DLGAP2: variants seen among roughly 807,000 people sequenced by gnomAD.
DLGAP2 encodes DLG associated protein 2.
DLGAP2 carries 26 observed loss-of-function variants against 100.3 expected under a neutral mutation model. The ratio of observed to expected loss-of-function variants is 0.26; its 90% CI spans 0.19 to 0.36. The LOEUF (loss-of-function observed/expected upper bound fraction) is 0.36. Among genes scored for constraint, DLGAP2 ranks in the 10% least tolerant of loss-of-function variants. DLGAP2 has a pLI of 1.00. For synonymous variants in DLGAP2, 886 were observed against 630.1 expected, an observed-to-expected ratio of 1.41 and a Z score of -6.08; for missense variants, 1,858 against 1,453.2, an observed-to-expected ratio of 1.28 and a Z score of -4.53.
chr8:1,235,217 C>T (rs564648721), intron 2 of DLGAP2, among the ~76,000 whole-genome samples: 2 of 115,312 alleles, frequency 1.7e-5, no homozygotes, highest in Non-Finnish European at 4.0e-5. Flanking sequence ...GTCTAGTTCT[C>T]TCACACATGG....
At chr8:1,535,110 G>A (rs989482939) in intron 4 of DLGAP2, among the ~76,000 whole-genome samples, 6 of 152,320 alleles carry the variant, frequency 3.9e-5, no homozygotes, top group East Asian at 1.9e-4. Flanking sequence ...GGGAGGAATC[G>A]AGGGAGGCAG....
chr8:1,462,175 G>C (rs368497003), intron 3 of DLGAP2, among the ~76,000 whole-genome samples: 503 of 41,812 alleles, frequency 0.012, 24 homozygotes, highest in African/African-American at 0.061. Flanking sequence ...GCTGCTGTCA[G>C]GTGGGCTGGG....
intron 2 of DLGAP2, among the ~76,000 whole-genome samples, chr8:915,727 A>G (rs938995218): frequency 2.0e-5 from 3 of 151,586 alleles, no homozygotes; most frequent in Admixed American, 2.0e-4. Flanking sequence ...CCATCTATTC[A>G]TCTCTCTGTC....
chr8:1,408,371 A>T (rs1452732943), intron 3 of DLGAP2, among the ~76,000 whole-genome samples: 1 of 152,144 alleles, frequency 6.6e-6, no homozygotes. Flanking sequence ...TCAGGGGAGA[A>T]ATCAGTTCCA....
At chr8:1,625,810 C>G (rs931171156) in intron 6 of DLGAP2, among the ~76,000 whole-genome samples, 2 of 152,256 alleles carry the variant, frequency 1.3e-5, no homozygotes, top group African/African-American at 4.8e-5. Context: ...TTGTAAATAG[C>G]CTCCCCTATT....
intron 3 of DLGAP2, among the ~76,000 whole-genome samples, chr8:1,266,767 G>C (rs34130287): frequency 0.16 from 23,673 of 152,006 alleles, 2,175 homozygotes; most frequent in Middle Eastern, 0.31. Context: ...ATGTGTTTGT[G>C]TGTGTGTTTT....
At chr8:1,601,253 C>T (rs540103546) in intron 6 of DLGAP2, among the ~76,000 whole-genome samples, 1 of 152,328 alleles carries the variant, frequency 6.6e-6, no homozygotes, top group Admixed American at 6.5e-5. Flanking sequence ...AAGCTTCGTC[C>T]CAGAGGGACT....
intron 2 of DLGAP2, among the ~76,000 whole-genome samples, chr8:1,112,287 C>T (rs1266452677): frequency 8.0e-6 from 1 of 124,468 alleles, no homozygotes; most frequent in Non-Finnish European, 1.6e-5. Context: ...GTTGCCCAGG[C>T]TGAAGTGCAG....
At chr8:900,011 AAT>A (rs1294144724) in intron 1 of DLGAP2, among the ~76,000 whole-genome samples, 1 of 152,262 alleles carries the variant, frequency 6.6e-6, no homozygotes, top group Non-Finnish European at 1.5e-5. Context: ...GAGAAAGCAG[AAT>A]ATGTCTTTAA....
chr8:967,413 C>G (rs1014334098), intron 2 of DLGAP2, among the ~76,000 whole-genome samples: 5 of 152,260 alleles, frequency 3.3e-5, no homozygotes, highest in Non-Finnish European at 7.4e-5. Flanking sequence ...ATTATTCTTA[C>G]TCATTTGATT....
chr8:1,370,078 C>T (rs537357422), intron 3 of DLGAP2, among the ~76,000 whole-genome samples: 9 of 152,340 alleles, frequency 5.9e-5, no homozygotes, highest in African/African-American at 2.2e-4. Flanking sequence ...GGGTGACTAA[C>T]ACTGTCCCTA....
At chr8:802,391 T>C (rs1317560724) in intron 1 of DLGAP2, among the ~76,000 whole-genome samples, 3 of 151,972 alleles carry the variant, frequency 2.0e-5, no homozygotes, top group Non-Finnish European at 4.4e-5. Context: ...CCAGTCTTCC[T>C]GGTTGAAGTC....
At chr8:1,476,556 C>A (rs1274955686) in intron 3 of DLGAP2, among the ~76,000 whole-genome samples, 3 of 152,198 alleles carry the variant, frequency 2.0e-5, no homozygotes, top group Non-Finnish European at 4.4e-5. Context: ...ATGGTTCCCC[C>A]CTCAGTTCCC....
intron 6 of DLGAP2, among the ~76,000 whole-genome samples, chr8:1,610,175 T>C (rs897844398): frequency 2.6e-4 from 39 of 151,802 alleles, no homozygotes; most frequent in African/African-American, 9.4e-4. Context: ...GAACAGAAAT[T>C]ATAACAAACT....
intron 3 of DLGAP2, among the ~76,000 whole-genome samples, chr8:1,444,589 C>T (rs1462338826): frequency 3.3e-5 from 5 of 151,868 alleles, no homozygotes; most frequent in Admixed American, 6.6e-5. Flanking sequence ...TCCGTGATTC[C>T]GAGAACCCTC....
At chr8:1,616,097 C>G (rs768985777) in intron 6 of DLGAP2, among the ~76,000 whole-genome samples, 18 of 151,862 alleles carry the variant, frequency 1.2e-4, no homozygotes, top group Non-Finnish European at 2.1e-4. Flanking sequence ...AACAGAAAAC[C>G]ACAATATCTG....
chr8:1,267,873 C>G lies in DLGAP2; in HGVS notation c.106+8990C>G, dbSNP rs545879531. ...TGGTTTTTCCTCCATCACACCCACC[C>G]TAGTCCTCTGCATTTCATAGCCCTG... On this transcript the variant is annotated intron_variant, in intron 3 of 14. Transcript: ENST00000637795. Among the ~76,000 whole-genome samples, 79 of 152,266 alleles carry G rather than the reference C, an allele frequency of 5.2e-4. No individual in the cohort carries two copies. In the South Asian group the frequency reaches 5.2e-3, roughly 10 times the overall value.
chr8:760,563 C>G (rs899883095), intron 1 of DLGAP2, among the ~76,000 whole-genome samples: 1 of 152,170 alleles, frequency 6.6e-6, no homozygotes, highest in African/African-American at 2.4e-5. Context: ...ATTTTGAGGG[C>G]ATTTTCCTTT....
At chr8:1,470,933 C>T (rs868745179) in intron 3 of DLGAP2, among the ~76,000 whole-genome samples, 1 of 3,244 alleles carries the variant, frequency 3.1e-4, no homozygotes, top group African/African-American at 9.2e-4. Context: ...CCCGACCCCT[C>T]CAGCCTTTCC....
Sources: allele counts gnomAD v4.1 joint callset (sites outside exome capture counted in the v4.1 genomes callset), GRCh38; gene constraint gnomAD v4.1.1; transcripts MANE v1.5; gene names NCBI Gene and HGNC (gene_info 2026-07-23, HGNC 2026-07-21).